TTK: variants seen among roughly 807,000 people sequenced by gnomAD.
TTK encodes TTK protein kinase.
A neutral mutation model predicts 117.3 loss-of-function variants in TTK; 59 were observed. The observed-to-expected ratio is 0.50, with a 90% CI of 0.41 to 0.62. The LOEUF is 0.62. TTK is among the 20% of genes least tolerant of loss of function. TTK has a pLI of 0.00. For missense variants in TTK, 921 were observed against 989.4 expected (o/e 0.93, Z 0.93); for synonymous variants, 302 against 325.0 (o/e 0.93, Z 0.76).
intron 14 of TTK, among the ~76,000 whole-genome samples, chr6:80,031,760 G>A (rs567339052): frequency 1.3e-5 from 2 of 152,052 alleles, no homozygotes; most frequent in East Asian, 3.9e-4. Flanking sequence ...CTTATTCCCA[G>A]TCTTCTGCCT....
At chr6:80,011,312 A>G (rs1396976591) in intron 5 of TTK, 122 bp from the exon 6 acceptor site, 12 of 620,712 alleles carry the variant, frequency 1.9e-5, no homozygotes, top group African/African-American at 1.5e-4. Flanking sequence ...ATGTCTGCAT[A>G]TCTTACTTGG....
At chr6:80,031,678 C>A in intron 14 of TTK, 119 bp downstream of exon 14, 2 of 615,308 alleles carry the variant, frequency 3.3e-6, no homozygotes, top group Non-Finnish European at 5.1e-6. Flanking sequence ...TGCCCTTGAG[C>A]CAAAAAGCCA....
chr6:80,006,106 A>C, intron 2 of TTK, 124 bp downstream of exon 2: 1 of 1,337,256 alleles, frequency 7.5e-7, no homozygotes, highest in Non-Finnish European at 1.0e-6. Flanking sequence ...CTCCATTAGA[A>C]TGCAGGCTAC....
At chr6:80,014,001 G>C (rs1767237367) in intron 9 of TTK, among the ~76,000 whole-genome samples, 1 of 152,042 alleles carries the variant, frequency 6.6e-6, no homozygotes. Flanking sequence ...AATCCTGGCT[G>C]TCCTAGAGAA....
At chr6:80,030,065 A>G (rs562307830) in intron 13 of TTK, among the ~76,000 whole-genome samples, 1 of 152,320 alleles carries the variant, frequency 6.6e-6, no homozygotes, top group East Asian at 1.9e-4. Flanking sequence ...ATGTATCTCA[A>G]TCCTAGAGGT....
chr6:80,026,140 C>T (rs909749924), intron 11 of TTK, among the ~76,000 whole-genome samples: 2 of 152,046 alleles, frequency 1.3e-5, no homozygotes, highest in African/African-American at 4.8e-5. Context: ...TTTTGTGTGC[C>T]TTCCCTGTAC....
At chr6:80,008,929 C>CTGTGTGTGTGTGTG (rs3049166) in intron 4 of TTK, among the ~76,000 whole-genome samples, 11,026 of 142,220 alleles carry the variant, frequency 0.078, 629 homozygotes, top group East Asian at 0.18. Context: ...AACTATATAT[C>CTGTGTGTGTGTGTG]TGTGTGTGTG....
intron 10 of TTK, among the ~76,000 whole-genome samples, chr6:80,018,536 A>G (rs1460259614): frequency 6.6e-6 from 1 of 151,336 alleles, no homozygotes; most frequent in Non-Finnish European, 1.5e-5. Context: ...AGGCAGGAGA[A>G]TCGCTTGAAC....
chr6:80,011,921 A>AAAT lies in TTK; in HGVS notation c.839_841dup (p.Asn280dup). 6.2e-7 allele frequency: 1 copy of AAAT among 1,612,638 alleles called. No homozygotes were observed. Among genetic ancestry groups the AAAT allele is most frequent in the Non-Finnish European group, 8.5e-7 (1 of 1,179,152 alleles). On this transcript the variant is annotated inframe_insertion, in exon 8 of 22. Transcript: ENST00000369798. ...TTGGAAGAGTCCCAGTTAACCTTCT[A>AAAT]AATAGCCCAGATTGTGATGTGAAGA...
intron 21 of TTK, among the ~76,000 whole-genome samples, chr6:80,041,564 A>G (rs1304440041): frequency 6.6e-6 from 1 of 151,632 alleles, no homozygotes; most frequent in Non-Finnish European, 1.5e-5. Context: ...AAAGCCTCTT[A>G]TAGCTATAGT....
intron 2 of TTK, among the ~76,000 whole-genome samples, chr6:80,007,554 C>T (rs1767025353): frequency 6.6e-6 from 1 of 151,996 alleles, no homozygotes; most frequent in African/African-American, 2.4e-5. Flanking sequence ...TACAAAAAAA[C>T]TCACTTATTT....
In TTK at chr6:80,042,226, A is replaced by G; in HGVS notation, c.*24A>G. ...GATTTGCAGTTATTCGTAATGTCAG[A>G]TACCACCTATAAAATATATTGGACT... is the stretch of plus-strand genomic sequence containing the variant. On this transcript the variant is annotated 3_prime_UTR_variant, in exon 22 of 22. Coordinates refer to ENST00000369798, the MANE Select transcript of TTK (RefSeq NM_003318.5). The G allele has an allele frequency of 6.6e-7, 1 of 1,520,800 alleles. No individual in the cohort carries two copies. The highest frequency in any genetic ancestry group is 9.0e-7 in the Non-Finnish European group (1 of 1,106,538). 94.2% of individuals were successfully genotyped at this position (1,520,800 alleles called of 1,614,324 possible). A position where few individuals can be genotyped will look rare whatever the true frequency, so the allele number is the denominator to read the frequency against.
In TTK at chr6:80,005,839, TAGA is replaced by T; in HGVS notation, c.-2-1_-1del. On this transcript the variant is annotated splice_acceptor_variant and 5_prime_UTR_variant, in exon 2 of 22. Coordinates refer to ENST00000369798, the MANE Select transcript of TTK (RefSeq NM_003318.5). LOFTEE classifies it low-confidence loss of function (5UTR_SPLICE). The stretch of plus-strand genomic sequence containing the variant: ...AGTTATGACTGTTCAGTTTTTTTCT[TAGA>T]AATGGAATCCGAGGATTTAAGTGGC... 6.2e-7 allele frequency: 1 copy of T among 1,611,508 alleles called. No homozygotes were observed.
chr6:80,015,299 G>GCAGACTGTAA (rs1236811044), intron 10 of TTK, among the ~76,000 whole-genome samples: 47 of 152,288 alleles, frequency 3.1e-4, no homozygotes, highest in Admixed American at 3.9e-4. Flanking sequence ...TGGGTAGTGT[G>GCAGACTGTAA]CAAATAGGAA....
In TTK at chr6:80,007,700, G is replaced by A. The variant is rs570708859; in HGVS notation, c.140-109G>A. 25 of 804,192 alleles carry A rather than the reference G, an allele frequency of 3.1e-5. No homozygotes were observed. The South Asian group carries it at 5.0e-4, about 16-fold the overall frequency. 49.8% of individuals were successfully genotyped at this position (804,192 alleles called of 1,614,324 possible). A position where few individuals can be genotyped will look rare whatever the true frequency, so the allele number is the denominator to read the frequency against. On this transcript the variant is annotated intron_variant, in intron 2 of 21. Coordinates refer to ENST00000369798, the MANE Select transcript of TTK (RefSeq NM_003318.5). ...TTAAAAAGTATTATAAGGACTTTAT[G>A]TACATTGATACTGACAGTACAAATG...
chr6:80,027,753 T>A, intron 12 of TTK, 132 bp from the exon 13 acceptor site: 1 of 552,846 alleles, frequency 1.8e-6, no homozygotes, highest in Middle Eastern at 5.0e-4. Context: ...GTCAGCTATA[T>A]CATGAAAACT....
chr6:80,013,673 CT>C (rs1767227893), intron 9 of TTK: 1 of 185,856 alleles, frequency 5.4e-6, no homozygotes, highest in Non-Finnish European at 1.1e-5. Context: ...ACTGGGGGAA[CT>C]GTTGCCCCCA....
intron 13 of TTK, among the ~76,000 whole-genome samples, chr6:80,030,442 G>C (rs1448407933): frequency 6.6e-6 from 1 of 152,142 alleles, no homozygotes; most frequent in East Asian, 1.9e-4. Context: ...CTGTATTAAT[G>C]AGTTCTTACA....
chr6:80,028,237 C>T (rs1290816917), intron 13 of TTK, among the ~76,000 whole-genome samples: 1 of 151,964 alleles, frequency 6.6e-6, no homozygotes, highest in Non-Finnish European at 1.5e-5. Flanking sequence ...GCCAAAGGAT[C>T]CAGTTTGAAT....
Sources: gnomAD v4.1 joint callset for allele counts (sites outside exome capture counted in the v4.1 genomes callset) on GRCh38, gnomAD v4.1.1 for gene constraint, MANE v1.5 for transcripts, NCBI Gene and HGNC (gene_info 2026-07-23, HGNC 2026-07-21) for gene names.